TPCN2: variants seen among roughly 807,000 people sequenced by gnomAD.
The protein encoded by TPCN2 is two pore channel protein 2.
Under a neutral mutation model 111.4 loss-of-function variants are expected in TPCN2, and 92 were observed. That is an observed-to-expected ratio of 0.83 (90% CI 0.70 to 0.98). The LOEUF is 0.98. Among genes scored for constraint, TPCN2 ranks in the 50% least tolerant of loss-of-function variants. The pLI is 0.00. For synonymous variants in TPCN2, 405 were observed against 414.5 expected, an observed-to-expected ratio of 0.98 and a Z score of 0.28; for missense variants, 995 against 980.1, an observed-to-expected ratio of 1.02 and a Z score of -0.20.
intron 21 of TPCN2, 29 bp downstream of exon 21, chr11:69,085,781 T>C: frequency 1.3e-6 from 2 of 1,593,584 alleles, no homozygotes; most frequent in Non-Finnish European, 8.6e-7. Flanking sequence ...CCCAGCACCC[T>C]GCTCCCCGGG....
In TPCN2 at chr11:69,085,917, C is replaced by T. The variant is rs974601992; in HGVS notation, c.1990C>T (p.Arg664Cys). 1.4e-5 allele frequency: 22 copies of T among 1,613,938 alleles called. No individual in the cohort carries two copies. The highest frequency in any genetic ancestry group is 4.5e-5 in the East Asian group (2 of 44,892). Residue 664 changes from arginine to cysteine, a missense_variant, in exon 22 of 25, where the codon CGC becomes TGC. Coordinates refer to ENST00000294309, the MANE Select transcript of TPCN2 (RefSeq NM_139075.4). The stretch of plus-strand genomic sequence containing the variant: ...GCAGGTGTTTCTGGATGCATATCGG[C>T]GCTACTCAGGCCCGTGAGTCCTCGT... ...NWQVFLDAYR[R>C]YSGPWSKIYF...
In TPCN2 at chr11:69,054,661, C is replaced by T. The variant is rs181849994; in HGVS notation, c.175-60C>T. 1.3e-4 allele frequency: 199 copies of T among 1,511,222 alleles called. No individual in the cohort carries two copies. In the African/African-American group the frequency reaches 1.6e-3, roughly 12 times the overall value. The allele number at this position is 1,511,222 out of a possible 1,614,324, so 93.6% of individuals were successfully genotyped here. ...CCTGTCTCGTGTGTGGTGTGGGGCT[C>T]GGGTCACGGCCCACCCTGCATGCAC... On this transcript the variant is annotated intron_variant, in intron 2 of 24. Coordinates refer to ENST00000294309, the MANE Select transcript of TPCN2 (RefSeq NM_139075.4).
At chr11:69,054,170 C>T (rs540108885) in intron 2 of TPCN2, 73 bp downstream of exon 2, 34 of 1,297,266 alleles carry the variant, frequency 2.6e-5, no homozygotes, top group South Asian at 2.4e-4. Flanking sequence ...CCTCCAGGGG[C>T]GACTGACTGG....
chr11:69,059,865 C>T (rs1854942191), intron 5 of TPCN2, among the ~76,000 whole-genome samples: 1 of 152,244 alleles, frequency 6.6e-6, no homozygotes, highest in Non-Finnish European at 1.5e-5. Context: ...CCTGGCCCTG[C>T]CTCTGGCTGA....
intron 13 of TPCN2, among the ~76,000 whole-genome samples, chr11:69,073,263 A>G (rs1253671034): frequency 6.6e-6 from 1 of 152,246 alleles, no homozygotes; most frequent in African/African-American, 2.4e-5. Flanking sequence ...CTCGGTTTCC[A>G]TGACAGACTC....
At chr11:69,067,212 G>A (rs1855311082) in intron 7 of TPCN2, among the ~76,000 whole-genome samples, 1 of 152,242 alleles carries the variant, frequency 6.6e-6, no homozygotes, top group African/African-American at 2.4e-5. Context: ...AGGCGAGGTG[G>A]CCTGAGGGAG....
rs1302616035 is a variant in TPCN2 at position 69,072,016 on chromosome 11, C to T, written c.1054C>T (p.Pro352Ser). 5.6e-6 allele frequency: 9 copies of T among 1,613,122 alleles called. No individual in the cohort carries two copies. The Admixed American group carries it at 1.5e-4, about 27-fold the overall frequency. ...SSMVGEGGAF[P>S]QAVGVKPQNL... ...CATGGTGGGGGAGGGAGGAGCCTTC[C>T]CTCAGGCGTGAGTGCTGGGCATGGA... Residue 352 changes from proline to serine, a missense_variant, in exon 11 of 25, where the codon CCT becomes TCT. Transcript: ENST00000294309.
At chr11:69,053,364 A>G (rs1014875514) in intron 1 of TPCN2, among the ~76,000 whole-genome samples, 2 of 152,050 alleles carry the variant, frequency 1.3e-5, no homozygotes, top group African/African-American at 4.8e-5. Flanking sequence ...GGACCGGGAC[A>G]GTGAGGGAAT....
rs962927046 is a variant in TPCN2 at position 69,055,162 on chromosome 11, G to A, written c.252-13G>A. The A allele has an allele frequency of 5.0e-6, 8 of 1,612,582 alleles. No individual in the cohort carries two copies. Among genetic ancestry groups the A allele is most frequent in the African/African-American group, 2.7e-5 (2 of 74,862 alleles). On this transcript the variant is annotated splice_polypyrimidine_tract_variant and intron_variant, in intron 3 of 24. Transcript: ENST00000294309. ...CTGGCTCCTGTGTTTTCATGTTTCTGTCCCCTTTCCAGGACTTTGAGCTTC... is the reference window on the plus strand; with the variant it reads ...CTGGCTCCTGTGTTTTCATGTTTCTATCCCCTTTCCAGGACTTTGAGCTTC...
At position 69,087,131 on chromosome 11, in the gene TPCN2, A is replaced by T; in HGVS notation, c.2105A>T (p.Asp702Val). 1 of 1,613,384 alleles carries T rather than the reference A, an allele frequency of 6.2e-7. No homozygotes were observed. The highest frequency in any genetic ancestry group is 8.5e-7 in the Non-Finnish European group (1 of 1,179,756). The change falls in exon 24 of 25, where the codon GAC becomes GTC. Residue 702 changes from aspartate (D) to valine (V), a missense_variant. Transcript: ENST00000294309. ...LILENFLHKW[D>V]PRSHLQPLAG... ...TGCCAGAACTTCCTTCACAAGTGGG[A>T]CCCCCGCAGCCACCTGCAGCCCCTT...
rs139205969 is a variant in TPCN2 at position 69,084,004 on chromosome 11, C to T, written c.1749C>T (p.Gly583=). Reference sequence around the variant, plus strand: ...TGGTGCAGAACATGCGTGCGTTTGGCGGGATCCTGGTGGTGAGTCCCAGGC... The same window carrying T: ...TGGTGCAGAACATGCGTGCGTTTGGTGGGATCCTGGTGGTGAGTCCCAGGC... The part of the protein sequence containing the change: ...LGLVQNMRAF[G]GILVVVYYVF... Residue 583 remains glycine, a synonymous_variant, in exon 19 of 25, where the codon GGC becomes GGT. Coordinates refer to ENST00000294309, the MANE Select transcript of TPCN2 (RefSeq NM_139075.4). 9.9e-6 allele frequency: 16 copies of T among 1,613,902 alleles called. No homozygotes were observed. The highest frequency in any genetic ancestry group is 9.9e-5 in the South Asian group (9 of 91,076).
At chr11:69,071,852 G>A (rs1187917782) in intron 10 of TPCN2, 71 bp from the exon 11 acceptor site, 33 of 1,428,768 alleles carry the variant, frequency 2.3e-5, no homozygotes, top group Non-Finnish European at 3.2e-5. Context: ...TGTTCCCCAG[G>A]GGAGGGAAGG....
At chr11:69,073,030 G>C (rs1240891295) in intron 13 of TPCN2, 29 bp downstream of exon 13, 1 of 1,545,358 alleles carries the variant, frequency 6.5e-7, no homozygotes, top group African/African-American at 1.4e-5. Context: ...GCCCAGGGTG[G>C]ATAGTGGGGG....
At position 69,071,213 on chromosome 11, in the gene TPCN2, C is replaced by T. The variant is rs550692843; in HGVS notation, c.896-143C>T. 1.4e-4 allele frequency: 98 copies of T among 679,702 alleles called. No homozygotes were observed. In the Admixed American group the frequency reaches 1.9e-3, roughly 13 times the overall value. The allele number at this position is 679,702 out of a possible 1,614,324, so 42.1% of individuals were successfully genotyped here. On this transcript the variant is annotated intron_variant, in intron 9 of 24. Coordinates refer to ENST00000294309, the MANE Select transcript of TPCN2 (RefSeq NM_139075.4). ...CCCCACCATTGACCTCGTCATCCTC[C>T]CACCTGTGACTGCGCTGGCCAGGCC...
At chr11:69,067,784 C>A (rs1221274069) in intron 8 of TPCN2, among the ~76,000 whole-genome samples, 179 bp downstream of exon 8, 1 of 151,900 alleles carries the variant, frequency 6.6e-6, no homozygotes, top group African/African-American at 2.4e-5. Flanking sequence ...CTTTTTTTGT[C>A]TTGGTTTTCT....
intron 7 of TPCN2, among the ~76,000 whole-genome samples, chr11:69,064,964 CTG>C (rs35034759): frequency 4.8e-5 from 7 of 147,288 alleles, no homozygotes; most frequent in African/African-American, 1.5e-4. Context: ...TGTGTAGTGT[CTG>C]TGCATGGTGT....
intron 2 of TPCN2, chr11:69,054,513 G>A (rs1342959484): frequency 6.7e-6 from 4 of 592,832 alleles, no homozygotes; most frequent in Non-Finnish European, 1.2e-5. Context: ...CCGGGTGTGT[G>A]GCCTGTGAGG....
At chr11:69,058,280 C>A (rs1305635227) in intron 5 of TPCN2, among the ~76,000 whole-genome samples, 1 of 152,292 alleles carries the variant, frequency 6.6e-6, no homozygotes, top group East Asian at 1.9e-4. Flanking sequence ...AGAGAATGAA[C>A]AGAGGGCCTT....
intron 2 of TPCN2, 38 bp from the exon 3 acceptor site, chr11:69,054,672 CCACCCTGCATG>C: frequency 6.4e-7 from 1 of 1,571,366 alleles, no homozygotes; most frequent in Non-Finnish European, 8.8e-7. Context: ...GGGTCACGGC[CCACCCTGCATG>C]CACCCATGTC....
Sources: gnomAD v4.1 joint callset for allele counts (sites outside exome capture counted in the v4.1 genomes callset) on GRCh38, gnomAD v4.1.1 for gene constraint, MANE v1.5 for transcripts, NCBI Gene and HGNC (gene_info 2026-07-23, HGNC 2026-07-21) for gene names.